The following EPHA6 variants were observed in gnomAD, a reference collection of about 807,000 sequenced individuals.
The protein encoded by EPHA6 is ephrin type-A receptor 6.
In EPHA6, 50 loss-of-function variants were observed where a neutral mutation model predicts 112.0. The observed-to-expected ratio is 0.45, with a 90% CI of 0.36 to 0.56. The LOEUF (loss-of-function observed/expected upper bound fraction) is 0.56, where lower values mean the gene tolerates loss of function less well. Among genes scored for constraint, EPHA6 ranks in the 20% least tolerant of loss-of-function variants. The pLI is 0.00. For synonymous variants in EPHA6, 529 were observed against 490.7 expected, an observed-to-expected ratio of 1.08 and a Z score of -1.03; for missense variants, 1,280 against 1,417.4, an observed-to-expected ratio of 0.90 and a Z score of 1.56.
At chr3:96,834,580 C>CT (rs2107292456) in intron 1 of EPHA6, among the ~76,000 whole-genome samples, 1 of 151,842 alleles carries the variant, frequency 6.6e-6, no homozygotes, top group South Asian at 2.1e-4. Flanking sequence ...CCTTCCAACT[C>CT]TAAGAAGTGA....
chr3:97,392,635 C>T (rs147907420), intron 5 of EPHA6, among the ~76,000 whole-genome samples: 2,447 of 151,682 alleles, frequency 0.016, 26 homozygotes, highest in Admixed American at 0.028. Context: ...TTACAAAATG[C>T]AACCATAAAA....
intron 14 of EPHA6, among the ~76,000 whole-genome samples, chr3:97,642,648 A>C (rs1010322432): frequency 3.3e-5 from 5 of 152,198 alleles, no homozygotes; most frequent in Non-Finnish European, 7.3e-5. Flanking sequence ...AGAATGCAGA[A>C]GTCTTAGGAG....
At chr3:97,503,696 C>T (rs931751703) in intron 10 of EPHA6, among the ~76,000 whole-genome samples, 4 of 152,152 alleles carry the variant, frequency 2.6e-5, no homozygotes, top group African/African-American at 9.7e-5. Flanking sequence ...CGCCATTCCC[C>T]TATATTAGAG....
At chr3:97,456,407 T>C (rs559094262) in intron 7 of EPHA6, among the ~76,000 whole-genome samples, 5 of 152,114 alleles carry the variant, frequency 3.3e-5, no homozygotes, top group South Asian at 2.1e-4. Context: ...CTTTGACTAA[T>C]ATTTCCCCAT....
chr3:97,479,384 T>C lies in EPHA6; in HGVS notation c.2074+20T>C, dbSNP rs974622803. The C allele has an allele frequency of 6.4e-7, 1 of 1,557,192 alleles. No individual in the cohort carries two copies. Among genetic ancestry groups the C allele is most frequent in the Non-Finnish European group, 8.7e-7 (1 of 1,144,776 alleles). On this transcript the variant is annotated intron_variant, in intron 9 of 17. Transcript: ENST00000389672. ...GGCATTGTAAGTAGCGCAGGGACTT[T>C]CTTTCATTATTTTGTACTGTTCCAG...
chr3:97,548,135 A>T (rs1216135012), intron 11 of EPHA6, among the ~76,000 whole-genome samples: 1 of 152,068 alleles, frequency 6.6e-6, no homozygotes, highest in African/African-American at 2.4e-5. Context: ...GGAAATGCAA[A>T]ATCACCCGTC....
At chr3:97,254,239 A>G (rs1315851862) in intron 5 of EPHA6, among the ~76,000 whole-genome samples, 1 of 151,988 alleles carries the variant, frequency 6.6e-6, no homozygotes, top group Non-Finnish European at 1.5e-5. Flanking sequence ...CCCAGGCTGG[A>G]GTGCAGTGGC....
intron 14 of EPHA6, among the ~76,000 whole-genome samples, chr3:97,695,339 A>G (rs1386055638): frequency 6.6e-6 from 1 of 152,216 alleles, no homozygotes; most frequent in Non-Finnish European, 1.5e-5. Flanking sequence ...CCATGAGGTG[A>G]GGTTGTAAAA....
chr3:97,524,436 C>A, intron 10 of EPHA6, among the ~76,000 whole-genome samples: 1 of 152,002 alleles, frequency 6.6e-6, no homozygotes, highest in East Asian at 1.9e-4. Context: ...ATTGTGTATG[C>A]TAACCCATTG....
At chr3:97,053,352 T>C (rs960479541) in intron 3 of EPHA6, among the ~76,000 whole-genome samples, 2 of 152,032 alleles carry the variant, frequency 1.3e-5, no homozygotes, top group Non-Finnish European at 2.9e-5. Flanking sequence ...TGAGATCAGA[T>C]GTAGTACATG....
intron 11 of EPHA6, among the ~76,000 whole-genome samples, chr3:97,548,194 G>A (rs1035490373): frequency 1.7e-4 from 26 of 152,102 alleles, no homozygotes; most frequent in African/African-American, 5.1e-4. Context: ...GTTCGTATTC[G>A]GCCATCTTGG....
intron 14 of EPHA6, among the ~76,000 whole-genome samples, chr3:97,698,982 G>T (rs1277881667): frequency 6.6e-6 from 1 of 152,198 alleles, no homozygotes; most frequent in Non-Finnish European, 1.5e-5. Context: ...AAATGGCCCA[G>T]TGTTACACAA....
chr3:97,595,721 A>G (rs913364366), intron 12 of EPHA6, among the ~76,000 whole-genome samples: 1 of 151,818 alleles, frequency 6.6e-6, no homozygotes, highest in African/African-American at 2.4e-5. Context: ...GAGAAAAGAG[A>G]GGGGAGAATA....
chr3:97,550,852 A>C (rs913978410), intron 11 of EPHA6, among the ~76,000 whole-genome samples: 2 of 152,144 alleles, frequency 1.3e-5, no homozygotes, highest in Non-Finnish European at 2.9e-5. Flanking sequence ...TAGATGAAGG[A>C]AAATGTCAAT....
chr3:97,429,410 C>A (rs909845609), intron 6 of EPHA6, among the ~76,000 whole-genome samples: 1 of 152,004 alleles, frequency 6.6e-6, no homozygotes, highest in African/African-American at 2.4e-5. Flanking sequence ...TCTTACCATT[C>A]CTATGTATGG....
At position 96,853,317 on chromosome 3, in the gene EPHA6, C is replaced by T. The variant is rs182870188; in HGVS notation, c.386-13508C>T. 5.2e-3 allele frequency among the ~76,000 whole-genome samples: 791 copies of T among 152,106 alleles called. 4 individuals carry two copies. Among genetic ancestry groups the T allele is most frequent in the South Asian group, 6.2e-3 (30 of 4,818 alleles). On this transcript the variant is annotated intron_variant, in intron 1 of 17. Transcript: ENST00000389672. ...CAAATAGGAGGTCTGTAGAAGGTAT[C>T]GTTCTAGCCACTTCAAGATGGAAGT...
chr3:97,244,357 C>G (rs1174593127), intron 5 of EPHA6, 70 bp downstream of exon 5: 2 of 1,336,244 alleles, frequency 1.5e-6, no homozygotes. Context: ...CCCTCATGGG[C>G]ATGTATTTAT....
intron 2 of EPHA6, among the ~76,000 whole-genome samples, chr3:96,919,870 A>G (rs541417391): frequency 6.6e-6 from 1 of 152,002 alleles, no homozygotes; most frequent in East Asian, 1.9e-4. Context: ...GTCATAGTAC[A>G]TTTTTTAGAG....
chr3:97,455,105 C>T (rs16838680), intron 7 of EPHA6, among the ~76,000 whole-genome samples: 2,416 of 151,970 alleles, frequency 0.016, 62 homozygotes, highest in African/African-American at 0.053. Context: ...TATAAGGTAG[C>T]GAAGGCCCCT....
Sources: allele counts gnomAD v4.1 joint callset (sites outside exome capture counted in the v4.1 genomes callset), GRCh38; gene constraint gnomAD v4.1.1; transcripts MANE v1.5; gene names NCBI Gene and HGNC (gene_info 2026-07-23, HGNC 2026-07-21).